Variants in TLL1 observed in about 807,000 individuals in gnomAD.
The protein encoded by TLL1 is tolloid like 1, also known as tolloid-like protein 1.
TLL1 carries 49 observed loss-of-function variants against 128.2 expected under a neutral mutation model. The ratio of observed to expected loss-of-function variants is 0.38; its 90% confidence interval spans 0.30 to 0.48. TLL1 has a LOEUF of 0.48. Ranked by LOEUF, TLL1 falls within the 20% of genes least tolerant of loss-of-function variation. The probability of loss-of-function intolerance (pLI) is 0.96; values close to 1 mark genes in which losing one functional copy is unlikely to be tolerated. For missense variants in TLL1, 1,123 were observed against 1,242.0 expected, an observed-to-expected ratio of 0.90 and a Z score of 1.44; for synonymous variants, 454 against 418.8, an observed-to-expected ratio of 1.08 and a Z score of -1.03.
intron 19 of TLL1, among the ~76,000 whole-genome samples, chr4:166,092,289 T>C (rs1741811475): frequency 6.6e-6 from 1 of 152,144 alleles, no homozygotes; most frequent in South Asian, 2.1e-4. Context: ...TATCCAACAT[T>C]ATTTTTCATT....
rs1734033470 is a variant in TLL1 at position 165,942,015 on chromosome 4, A to C, written c.170-47366A>C. 3.3e-5 allele frequency among the ~76,000 whole-genome samples: 5 copies of C among 152,230 alleles called. No individual in the cohort carries two copies. In the South Asian group the frequency reaches 1.0e-3, roughly 32 times the overall value. On this transcript the variant is annotated intron_variant, in intron 1 of 20. Coordinates refer to ENST00000061240, the MANE Select transcript of TLL1 (RefSeq NM_012464.5). The stretch of plus-strand genomic sequence containing the variant: ...TATTAACACCTTTATTCCTCAGAGA[A>C]ACTCTAGATATTATTGACCCATTTT...
rs1331379623 is a variant in TLL1 at position 165,873,938 on chromosome 4, G to T, written c.34G>T (p.Val12Leu). Residue 12 changes from valine (V) to leucine (L), a missense_variant, in exon 1 of 21, where the codon GTG (valine) becomes TTG (leucine). Transcript: ENST00000061240. ...GGGAACGCTTTCCCCGAGGATGCTC[G>T]TGTGGCTGGTGGCCTCGGGGATTGT... is the stretch of plus-strand genomic sequence containing the variant. The part of the protein sequence containing the change: ...GLGTLSPRML[V>L]WLVASGIVFY... 1.9e-6 allele frequency: 3 copies of T among 1,614,110 alleles called. No individual in the cohort carries two copies. Among genetic ancestry groups the T allele is most frequent in the Non-Finnish European group, 2.5e-6 (3 of 1,180,024 alleles).
At chr4:165,935,361 T>A (rs2110913654) in intron 1 of TLL1, among the ~76,000 whole-genome samples, 1 of 152,336 alleles carries the variant, frequency 6.6e-6, no homozygotes, top group Non-Finnish European at 1.5e-5. Flanking sequence ...AGAGTCAGTA[T>A]TACCTGTCTG....
intron 17 of TLL1, among the ~76,000 whole-genome samples, chr4:166,076,949 A>G (rs1248923370): frequency 1.3e-5 from 2 of 152,298 alleles, no homozygotes; most frequent in Admixed American, 1.3e-4. Flanking sequence ...AATGTTGGGC[A>G]TGTTACCCTT....
At chr4:165,929,770 C>G (rs1165663757) in intron 1 of TLL1, among the ~76,000 whole-genome samples, 1 of 152,160 alleles carries the variant, frequency 6.6e-6, no homozygotes, top group African/African-American at 2.4e-5. Flanking sequence ...TCCTTGATGT[C>G]TGAGATTCTT....
intron 1 of TLL1, among the ~76,000 whole-genome samples, chr4:165,892,933 G>C (rs1561010503): frequency 6.6e-6 from 1 of 152,130 alleles, no homozygotes; most frequent in Non-Finnish European, 1.5e-5. Flanking sequence ...CAAGATGGTA[G>C]CTATTTCCCT....
chr4:165,944,507 T>C (rs1483123819), intron 1 of TLL1, among the ~76,000 whole-genome samples: 1 of 152,146 alleles, frequency 6.6e-6, no homozygotes, highest in African/African-American at 2.4e-5. Context: ...TTATCAACTT[T>C]ATCAGGGACT....
intron 12 of TLL1, among the ~76,000 whole-genome samples, chr4:166,043,836 C>A (rs1039779390): frequency 6.7e-6 from 1 of 149,074 alleles, no homozygotes. Flanking sequence ...TACCATAACA[C>A]AGATAATTGT....
chr4:165,903,224 G>A (rs1251991093), intron 1 of TLL1, among the ~76,000 whole-genome samples: 3 of 151,914 alleles, frequency 2.0e-5, no homozygotes, highest in African/African-American at 7.2e-5. Context: ...CGTGGTCTCA[G>A]CTACTCAGGA....
intron 18 of TLL1, 65 bp from the exon 19 acceptor site, chr4:166,091,063 A>C (rs879600580): frequency 8.4e-6 from 12 of 1,427,310 alleles, no homozygotes; most frequent in Middle Eastern, 3.9e-4. Context: ...TTTCTGTCCC[A>C]AAAATTATCT....
At chr4:166,031,275 T>C (rs1384950086) in intron 9 of TLL1, among the ~76,000 whole-genome samples, 1 of 151,692 alleles carries the variant, frequency 6.6e-6, no homozygotes, top group East Asian at 1.9e-4. Context: ...CGGCTTATTA[T>C]ATGAATATAA....
At chr4:165,983,039 C>T (rs1479841505) in intron 1 of TLL1, among the ~76,000 whole-genome samples, 1 of 151,872 alleles carries the variant, frequency 6.6e-6, no homozygotes, top group East Asian at 1.9e-4. Context: ...TTTTTTAAAA[C>T]TTCTGAACTA....
intron 18 of TLL1, among the ~76,000 whole-genome samples, chr4:166,078,685 G>A (rs1321157120): frequency 6.6e-6 from 1 of 151,580 alleles, no homozygotes; most frequent in Non-Finnish European, 1.5e-5. Context: ...ATAGGCCACA[G>A]AGTGTTTAAA....
At chr4:166,024,294 A>C (rs1019913759) in intron 8 of TLL1, among the ~76,000 whole-genome samples, 2 of 152,266 alleles carry the variant, frequency 1.3e-5, no homozygotes, top group South Asian at 4.1e-4. Context: ...TTTCTTTAAC[A>C]CAAGCTAGAA....
At chr4:166,050,678 G>T (rs574612156) in intron 12 of TLL1, among the ~76,000 whole-genome samples, 1 of 152,246 alleles carries the variant, frequency 6.6e-6, no homozygotes, top group East Asian at 1.9e-4. Flanking sequence ...GCCTGGCCAT[G>T]ACCCCTACCT....
intron 19 of TLL1, among the ~76,000 whole-genome samples, chr4:166,098,498 A>G (rs1047314181): frequency 6.6e-6 from 1 of 152,084 alleles, no homozygotes; most frequent in Admixed American, 6.6e-5. Flanking sequence ...TCACTCAAAA[A>G]TAACTGGTAT....
At chr4:166,074,451 G>C (rs796966463) in intron 16 of TLL1, among the ~76,000 whole-genome samples, 31 of 151,652 alleles carry the variant, frequency 2.0e-4, no homozygotes, top group African/African-American at 7.3e-4. Context: ...GTATACCATG[G>C]TTAATATATT....
At chr4:166,059,813 C>T (rs1350311570) in intron 14 of TLL1, among the ~76,000 whole-genome samples, 1 of 151,988 alleles carries the variant, frequency 6.6e-6, no homozygotes, top group African/African-American at 2.4e-5. Context: ...ATATTCTCGG[C>T]TACTAAGCTA....
At position 165,901,325 on chromosome 4, in the gene TLL1, T is replaced by C. The variant is rs540844669; in HGVS notation, c.169+27252T>C. On this transcript the variant is annotated intron_variant, in intron 1 of 20. Transcript: ENST00000061240. ...CTTTGGAGGAGGAGAAGAGACGTTC[T>C]TGTTTTGGGAATTTTCAACCTTTTT... Among the ~76,000 whole-genome samples, 5 of 152,278 alleles carry C rather than the reference T, an allele frequency of 3.3e-5. No individual in the cohort carries two copies. The South Asian group carries it at 1.0e-3, about 32-fold the overall frequency.
Sources: gnomAD v4.1 joint callset for allele counts (sites outside exome capture counted in the v4.1 genomes callset) on GRCh38, gnomAD v4.1.1 for gene constraint, MANE v1.5 for transcripts, NCBI Gene and HGNC (gene_info 2026-07-23, HGNC 2026-07-21) for gene names.